TMPRSS11B: variants seen among roughly 807,000 people sequenced by gnomAD.
The protein encoded by TMPRSS11B is transmembrane protease serine 11B.
A neutral mutation model predicts 44.7 loss-of-function variants in TMPRSS11B; 53 were observed. The observed-to-expected ratio is 1.19, with a 90% CI of 0.95 to 1.49. The LOEUF (loss-of-function observed/expected upper bound fraction) is 1.49. Among genes scored for constraint, TMPRSS11B ranks in the 40% most tolerant of loss-of-function variants. TMPRSS11B has a pLI of 0.00. For missense variants in TMPRSS11B, 526 were observed against 494.8 expected, an observed-to-expected ratio of 1.06 and a Z score of -0.60; for synonymous variants, 140 against 159.2, an observed-to-expected ratio of 0.88 and a Z score of 0.91.
chr4:68,241,595 C>A, intron 2 of TMPRSS11B, 94 bp downstream of exon 2: 1 of 767,028 alleles, frequency 1.3e-6, no homozygotes, highest in Non-Finnish European at 2.1e-6. Context: ...AGAAAACTCC[C>A]AAGAAGAAAT....
rs975547959 is a variant in TMPRSS11B, at chr4:68,239,303, C to T, written c.124+2386G>A. On this transcript the variant is annotated intron_variant, in intron 2 of 9. Transcript: ENST00000332644. Reference sequence around the variant, plus strand: ...TCTCTCGCACTCTATCTCTCTCGCTCTCTCTCTCTTTCTCACTCACTCACT... The same window carrying T: ...TCTCTCGCACTCTATCTCTCTCGCTTTCTCTCTCTTTCTCACTCACTCACT... 1.6e-3 allele frequency among the ~76,000 whole-genome samples: 236 copies of T among 152,238 alleles called. 1 individual carries two copies. Among genetic ancestry groups the T allele is most frequent in the African/African-American group, 5.5e-3 (229 of 41,564 alleles).
rs566853140 is a variant in TMPRSS11B, at chr4:68,237,742, G to A, written c.125-1476C>T. Among the ~76,000 whole-genome samples the A allele has an allele frequency of 2.6e-5, 4 of 152,262 alleles. No homozygotes were observed. The East Asian group carries it at 7.7e-4, about 29-fold the overall frequency. On this transcript the variant is annotated intron_variant, in intron 2 of 9. Coordinates refer to ENST00000332644, the MANE Select transcript of TMPRSS11B (RefSeq NM_182502.3). The stretch of plus-strand genomic sequence containing the variant: ...TCTTAAAAATAGGAATTACCAAGAT[G>A]CAGTGGATTATGCCTATAGTCCTAG...
At position 68,242,240 on chromosome 4, in the gene TMPRSS11B, T is replaced by A. The variant is rs865968732; in HGVS notation, c.9-436A>T. Among the ~76,000 whole-genome samples, 65 of 82,092 alleles carry A rather than the reference T, an allele frequency of 7.9e-4. 1 individual carries two copies. The highest frequency in any genetic ancestry group is 3.6e-3 in the African/African-American group (62 of 17,112). The allele number at this position is 82,092 out of a possible 152,430, so 53.9% of individuals were successfully genotyped here. On this transcript the variant is annotated intron_variant, in intron 1 of 9. Coordinates refer to ENST00000332644, the MANE Select transcript of TMPRSS11B (RefSeq NM_182502.3). ...TAATATTATATTATATTATATATAT[T>A]ATATTATATATATTATAATATATAT... is the stretch of plus-strand genomic sequence containing the variant.
Position 68,229,463 on chromosome 4 carries a change from G to A in TMPRSS11B, c.740C>T (p.Pro247Leu), listed in dbSNP as rs1044913593. 2 of 1,613,364 alleles carry A rather than the reference G, an allele frequency of 1.2e-6. No homozygotes were observed. Among genetic ancestry groups the A allele is most frequent in the Non-Finnish European group, 1.7e-6 (2 of 1,179,482 alleles). ...TVNFGIVVNK[P>L]YMTRKVQNII... ...GTTTTGGACTTTCCGTGTCATATATGGTTTATTTACTACAATTCCAAAGTT... is the reference window on the plus strand; with the variant it reads ...GTTTTGGACTTTCCGTGTCATATATAGTTTATTTACTACAATTCCAAAGTT... The change falls in exon 8 of 10, where the codon CCA (proline) becomes CTA (leucine). Residue 247 changes from proline (P) to leucine (L), a missense_variant. By Grantham distance (98) the Pro-to-Leu change is moderately conservative. Transcript: ENST00000332644.
chr4:68,241,513 G>A (rs2109964354), intron 2 of TMPRSS11B, among the ~76,000 whole-genome samples, 176 bp downstream of exon 2: 1 of 152,128 alleles, frequency 6.6e-6, no homozygotes, highest in African/African-American at 2.4e-5. Context: ...AATTTACAAG[G>A]AGGCCTCTGA....
intron 7 of TMPRSS11B, among the ~76,000 whole-genome samples, chr4:68,230,859 G>A (rs928622075): frequency 2.0e-5 from 3 of 151,328 alleles, no homozygotes; most frequent in African/African-American, 7.3e-5. Flanking sequence ...CCTTTCCTGA[G>A]TGAGACTTAG....
At chr4:68,237,910 A>G (rs1229194008) in intron 2 of TMPRSS11B, among the ~76,000 whole-genome samples, 7 of 152,124 alleles carry the variant, frequency 4.6e-5, no homozygotes, top group Non-Finnish European at 8.8e-5. Flanking sequence ...CCAGCTACTG[A>G]GGAAGCTGAA....
Position 68,227,886 on chromosome 4 carries a change from G to T in TMPRSS11B, c.*25C>A. On this transcript the variant is annotated 3_prime_UTR_variant, in exon 10 of 10. Transcript: ENST00000332644. ...AAGGATAGCCTACAGTGGTCTTTAT[G>T]TTCCTTTGTATAATTCCTTTTTTTT... is the stretch of plus-strand genomic sequence containing the variant. 1 of 1,563,076 alleles carries T rather than the reference G, an allele frequency of 6.4e-7. No homozygotes were observed. The highest frequency in any genetic ancestry group is 8.6e-7 in the Non-Finnish European group (1 of 1,158,068).
intron 9 of TMPRSS11B, 143 bp downstream of exon 9, chr4:68,228,599 A>G (rs1236963107): frequency 8.5e-6 from 7 of 828,130 alleles, no homozygotes; most frequent in South Asian, 2.0e-5. Context: ...TGTCTGGTAC[A>G]TAAATGGAAT....
chr4:68,238,539 A>G (rs948722458), intron 2 of TMPRSS11B, among the ~76,000 whole-genome samples: 1 of 149,360 alleles, frequency 6.7e-6, no homozygotes, highest in Non-Finnish European at 1.5e-5. Flanking sequence ...CCTAGCCAAC[A>G]TGGTGAAACC....
chr4:68,234,714 AT>A, intron 4 of TMPRSS11B, 91 bp from the exon 5 acceptor site: 2 of 1,359,010 alleles, frequency 1.5e-6, no homozygotes, highest in Non-Finnish European at 2.0e-6. Context: ...TAATTATCAC[AT>A]TTTCTTTACA....
chr4:68,235,614 T>A (rs1313683903), intron 4 of TMPRSS11B, among the ~76,000 whole-genome samples: 2 of 152,190 alleles, frequency 1.3e-5, no homozygotes, highest in African/African-American at 4.8e-5. Flanking sequence ...AGGATGTTTT[T>A]AGGGAAGGTA....
intron 1 of TMPRSS11B, among the ~76,000 whole-genome samples, 170 bp downstream of exon 1, chr4:68,245,381 C>T (rs939980137): frequency 1.3e-5 from 2 of 152,010 alleles, no homozygotes; most frequent in African/African-American, 4.8e-5. Context: ...TGGAAACTTT[C>T]CCAGAGACTT....
At chr4:68,242,353 A>ATT (rs1560445696) in intron 1 of TMPRSS11B, among the ~76,000 whole-genome samples, 1 of 14,628 alleles carries the variant, frequency 6.8e-5, no homozygotes, top group African/African-American at 2.0e-4. Context: ...TATTATATAT[A>ATT]ATATTATATT....
chr4:68,228,910 A>T, intron 8 of TMPRSS11B, 26 bp from the exon 9 acceptor site: 1 of 1,604,568 alleles, frequency 6.2e-7, no homozygotes. Flanking sequence ...GCTGCATATT[A>T]TGCAGATCTT....
intron 8 of TMPRSS11B, 54 bp downstream of exon 8, chr4:68,229,203 A>C: frequency 7.5e-7 from 1 of 1,328,894 alleles, no homozygotes; most frequent in South Asian, 1.4e-5. Context: ...TGATTGATTG[A>C]TTGATTAAAT....
intron 4 of TMPRSS11B, among the ~76,000 whole-genome samples, chr4:68,235,642 A>G (rs1221688530): frequency 6.6e-6 from 1 of 152,196 alleles, no homozygotes; most frequent in African/African-American, 2.4e-5. Flanking sequence ...AAAACAAACC[A>G]GTTGAATTAT....
rs1719405046 is a variant in TMPRSS11B at position 68,228,055 on chromosome 4, T to C, written c.1107A>G (p.Pro369=). The C allele has an allele frequency of 6.2e-7, 1 of 1,602,318 alleles. No homozygotes were observed. The highest frequency in any genetic ancestry group is 8.5e-7 in the Non-Finnish European group (1 of 1,177,100). Residue 369 remains proline, a synonymous_variant, in exon 10 of 10, where the codon CCA becomes CCG. Coordinates refer to ENST00000332644, the MANE Select transcript of TMPRSS11B (RefSeq NM_182502.3). ...TATTTCTGGAATCAGGGTAAGCTAG[T>C]GGTCCACCAGAATCATTCTAGAAGA... ...ADACQNDSGG[P]LAYPDSRNIW...
intron 8 of TMPRSS11B, 62 bp downstream of exon 8, chr4:68,229,195 A>T: frequency 3.0e-6 from 4 of 1,313,058 alleles, no homozygotes; most frequent in Middle Eastern, 2.4e-4. Context: ...TGATTGATTG[A>T]TTGATTGATT....
Sources: allele counts gnomAD v4.1 joint callset (sites outside exome capture counted in the v4.1 genomes callset), GRCh38; gene constraint gnomAD v4.1.1; transcripts MANE v1.5; gene names NCBI Gene and HGNC (gene_info 2026-07-23, HGNC 2026-07-21).